Variants in PRKD1 observed in about 807,000 individuals in gnomAD.
The protein encoded by PRKD1 is protein kinase D1.
In PRKD1, 63 loss-of-function variants were observed where a neutral mutation model predicts 95.9. The observed-to-expected ratio is 0.66, with a 90% CI of 0.54 to 0.81. The LOEUF (loss-of-function observed/expected upper bound fraction) is 0.81. Ranked by LOEUF, PRKD1 falls within the 30% of genes least tolerant of loss-of-function variation. The pLI, the probability that PRKD1 is intolerant of heterozygous loss-of-function variation, is 0.00. For missense variants in PRKD1, 1,048 were observed against 1,165.3 expected (o/e 0.90, Z 1.47); for synonymous variants, 425 against 423.1 (o/e 1.00, Z -0.05).
intron 1 of PRKD1, among the ~76,000 whole-genome samples, chr14:29,903,258 G>A (rs1454683446): frequency 6.6e-6 from 1 of 152,150 alleles, no homozygotes; most frequent in East Asian, 1.9e-4. Flanking sequence ...TATCCAACCA[G>A]CCTCGAAACG....
chr14:29,811,896 G>T (rs761101294), intron 1 of PRKD1: 7 of 152,320 alleles, frequency 4.6e-5, no homozygotes, highest in South Asian at 4.1e-4. Flanking sequence ...CAGTCCCGAT[G>T]CATAAGAAAC....
chr14:29,844,404 A>T (rs1204909791), intron 1 of PRKD1, among the ~76,000 whole-genome samples: 1 of 152,250 alleles, frequency 6.6e-6, no homozygotes, highest in African/African-American at 2.4e-5. Context: ...CTATATAGTA[A>T]GACAAAATAA....
At chr14:29,655,867 C>T (rs994176695) in intron 4 of PRKD1, among the ~76,000 whole-genome samples, 63 of 151,338 alleles carry the variant, frequency 4.2e-4, no homozygotes, top group African/African-American at 1.4e-3. Context: ...AAGGTAAGTT[C>T]ATGGGTGCAG....
chr14:29,821,943 T>C (rs929119084), intron 1 of PRKD1, among the ~76,000 whole-genome samples: 2 of 152,156 alleles, frequency 1.3e-5, no homozygotes, highest in African/African-American at 2.4e-5. Flanking sequence ...TTTGCCTTTA[T>C]CACCCACAGA....
intron 1 of PRKD1, among the ~76,000 whole-genome samples, chr14:29,922,008 A>G (rs1895129826): frequency 6.6e-6 from 1 of 152,230 alleles, no homozygotes; most frequent in South Asian, 2.1e-4. Flanking sequence ...CTGTTTTAAA[A>G]AGGTTTATAA....
At chr14:29,598,719 G>A (rs529754819) in intron 15 of PRKD1, among the ~76,000 whole-genome samples, 2 of 152,284 alleles carry the variant, frequency 1.3e-5, no homozygotes, top group African/African-American at 4.8e-5. Flanking sequence ...CAACAGTGAG[G>A]TTTAATATCT....
chr14:29,779,970 C>G lies in PRKD1; in HGVS notation c.265-54296G>C, dbSNP rs1422337478. Among the ~76,000 whole-genome samples the G allele has an allele frequency of 1.1e-4, 16 of 152,174 alleles. No individual in the cohort carries two copies. In the South Asian group the frequency reaches 3.1e-3, roughly 30 times the overall value. On this transcript the variant is annotated intron_variant, in intron 1 of 17. Coordinates refer to ENST00000331968, the MANE Select transcript of PRKD1 (RefSeq NM_002742.3). ...CACCAATGGAACAGAACAGACCCCT[C>G]AGAAATAATACCACACATCTACAAC...
intron 1 of PRKD1, among the ~76,000 whole-genome samples, chr14:29,846,290 C>CA (rs1311325144): frequency 6.6e-6 from 1 of 151,832 alleles, no homozygotes; most frequent in African/African-American, 2.4e-5. Flanking sequence ...ATAAGTGCTC[C>CA]AAAAAAACTG....
chr14:29,850,271 C>T (rs2139336490), intron 1 of PRKD1, among the ~76,000 whole-genome samples: 1 of 152,206 alleles, frequency 6.6e-6, no homozygotes, highest in Middle Eastern at 3.4e-3. Context: ...CAAATTATCT[C>T]TTTGCTAATG....
intron 1 of PRKD1, among the ~76,000 whole-genome samples, chr14:29,914,657 C>T (rs886732561): frequency 2.0e-5 from 3 of 152,148 alleles, no homozygotes; most frequent in Non-Finnish European, 4.4e-5. Context: ...TTGCTTGAAC[C>T]GGCAGGTGGA....
Position 29,777,406 on chromosome 14 carries a change from G to A in PRKD1, c.265-51732C>T, listed in dbSNP as rs138947823. ...GCTGTATTCAGGAAACCCATCTCAC[G>A]TGCAGAGATACACATAGGCTCAAAA... is the stretch of plus-strand genomic sequence containing the variant. On this transcript the variant is annotated intron_variant, in intron 1 of 17. Coordinates refer to ENST00000331968, the MANE Select transcript of PRKD1 (RefSeq NM_002742.3). Among the ~76,000 whole-genome samples, 99 of 152,130 alleles carry A rather than the reference G, an allele frequency of 6.5e-4. 1 individual carries two copies. The East Asian group carries it at 9.7e-3, about 15-fold the overall frequency.
At chr14:29,826,834 T>TACAC (rs1205126985) in intron 1 of PRKD1, among the ~76,000 whole-genome samples, 762 of 27,026 alleles carry the variant, frequency 0.028, 123 homozygotes, top group Middle Eastern at 0.043. Flanking sequence ...TATATATATA[T>TACAC]ATATACACAC....
At chr14:29,777,596 A>G (rs1888827065) in intron 1 of PRKD1, among the ~76,000 whole-genome samples, 1 of 152,234 alleles carries the variant, frequency 6.6e-6, no homozygotes, top group Non-Finnish European at 1.5e-5. Flanking sequence ...AGAGCTAACT[A>G]TCCTAAATAT....
chr14:29,880,083 A>G (rs1407491233), intron 1 of PRKD1, among the ~76,000 whole-genome samples: 1 of 152,214 alleles, frequency 6.6e-6, no homozygotes, highest in Admixed American at 6.5e-5. Context: ...GGCTGCAGAA[A>G]TTTGCATAAG....
intron 1 of PRKD1, among the ~76,000 whole-genome samples, chr14:29,847,736 T>C (rs10134670): frequency 0.49 from 73,877 of 151,960 alleles, 21,662 homozygotes; most frequent in African/African-American, 0.83. Context: ...AAAGGCCTCA[T>C]TAAATTCAGA....
intron 1 of PRKD1, among the ~76,000 whole-genome samples, chr14:29,857,541 T>C (rs1334432679): frequency 1.3e-5 from 2 of 152,290 alleles, no homozygotes; most frequent in East Asian, 3.9e-4. Flanking sequence ...CTTTTTCAGG[T>C]AGCTCAAAAT....
chr14:29,645,053 G>A (rs1881039056), intron 4 of PRKD1, among the ~76,000 whole-genome samples: 2 of 152,126 alleles, frequency 1.3e-5, no homozygotes, highest in African/African-American at 4.8e-5. Flanking sequence ...AATTCAGGTA[G>A]TTTTGCTCCA....
In PRKD1 at chr14:29,916,078, C is replaced by T. The variant is rs919615870; in HGVS notation, c.264+11171G>A. On this transcript the variant is annotated intron_variant, in intron 1 of 17. Coordinates refer to ENST00000331968, the MANE Select transcript of PRKD1 (RefSeq NM_002742.3). ...AGGCTCCCCTCTGCTGGCCATTGTACTGTGAGAGAAACCACCAGTTCAAGG... is the reference window on the plus strand; with the variant it reads ...AGGCTCCCCTCTGCTGGCCATTGTATTGTGAGAGAAACCACCAGTTCAAGG... Among the ~76,000 whole-genome samples the T allele has an allele frequency of 8.5e-5, 13 of 152,324 alleles. No homozygotes were observed. In the East Asian group the frequency reaches 1.2e-3, roughly 14 times the overall value.
At chr14:29,864,201 T>C (rs1414916135) in intron 1 of PRKD1, among the ~76,000 whole-genome samples, 1 of 152,110 alleles carries the variant, frequency 6.6e-6, no homozygotes, top group Non-Finnish European at 1.5e-5. Context: ...CATATTAATA[T>C]TCCAACCAAT....
Sources: gnomAD v4.1 joint callset for allele counts (sites outside exome capture counted in the v4.1 genomes callset) on GRCh38, gnomAD v4.1.1 for gene constraint, MANE v1.5 for transcripts, NCBI Gene and HGNC (gene_info 2026-07-23, HGNC 2026-07-21) for gene names.